The following ENPEP variants were observed in gnomAD, a reference collection of about 807,000 sequenced individuals.
ENPEP encodes the protein AP-A.
ENPEP carries 103 observed loss-of-function variants against 114.5 expected under a neutral mutation model. That is an observed-to-expected ratio of 0.90 (90% confidence interval 0.77 to 1.06). The LOEUF is 1.06. ENPEP is among the 50% of genes least tolerant of loss of function. The pLI, the probability that ENPEP is intolerant of heterozygous loss-of-function variation, is 0.00. For synonymous variants in ENPEP, 420 were observed against 422.0 expected, an observed-to-expected ratio of 1.00 and a Z score of 0.06; for missense variants, 1,196 against 1,161.3, an observed-to-expected ratio of 1.03 and a Z score of -0.43.
chr4:110,534,644 A>T (rs1017893936), intron 11 of ENPEP, among the ~76,000 whole-genome samples: 2 of 150,582 alleles, frequency 1.3e-5, no homozygotes, highest in African/African-American at 2.4e-5. Flanking sequence ...TGTAGCTGGG[A>T]TTACAGGTGC....
At chr4:110,507,746 C>T (rs942891885) in intron 4 of ENPEP, among the ~76,000 whole-genome samples, 8 of 152,222 alleles carry the variant, frequency 5.3e-5, no homozygotes, top group African/African-American at 4.8e-5. Flanking sequence ...GAGGCCCAGG[C>T]GGGCGGATCG....
chr4:110,504,662 T>C (rs1725302463), intron 3 of ENPEP, among the ~76,000 whole-genome samples: 1 of 152,224 alleles, frequency 6.6e-6, no homozygotes, highest in African/African-American at 2.4e-5. Context: ...AGGAAGGGAC[T>C]GCTTTTATTT....
chr4:110,546,905 C>G (rs1727090583), intron 13 of ENPEP, among the ~76,000 whole-genome samples: 1 of 152,036 alleles, frequency 6.6e-6, no homozygotes, highest in Admixed American at 6.6e-5. Context: ...GCCCTTCACA[C>G]CACCTGAAAA....
Position 110,549,110 on chromosome 4 carries a change from G to A in ENPEP, c.2152-236G>A, listed in dbSNP as rs1024980204. 4.6e-4 allele frequency among the ~76,000 whole-genome samples: 70 copies of A among 151,948 alleles called. 1 individual carries two copies. The highest frequency in any genetic ancestry group is 2.1e-4 in the Non-Finnish European group (14 of 67,960). On this transcript the variant is annotated intron_variant, in intron 14 of 19. Coordinates refer to ENST00000265162, the MANE Select transcript of ENPEP (RefSeq NM_001977.4). ...TAACTAAGAAATAGGGGTTAAAAGG[G>A]CCTTACCCAAAGTTTTATAAAACAT...
At position 110,563,338 on chromosome 4, in the gene ENPEP, G is replaced by C. The variant is rs1727734743; in HGVS notation, c.*1780G>C. 1 of 152,120 alleles carries C rather than the reference G, an allele frequency of 6.6e-6. No homozygotes were observed. The highest frequency in any genetic ancestry group is 2.4e-5 in the African/African-American group (1 of 41,428). 9.4% of individuals were successfully genotyped at this position (152,120 alleles called of 1,614,324 possible). On this transcript the variant is annotated 3_prime_UTR_variant, in exon 20 of 20. Coordinates refer to ENST00000265162, the MANE Select transcript of ENPEP (RefSeq NM_001977.4). ...AAAACAGATTTCAACTTGCCTACAA[G>C]ACATTCTATTTCATGCCTTTTCCTT...
At chr4:110,545,455 C>T (rs1379578486) in intron 13 of ENPEP, among the ~76,000 whole-genome samples, 1 of 151,928 alleles carries the variant, frequency 6.6e-6, no homozygotes, top group Non-Finnish European at 1.5e-5. Context: ...CTCCCTGCCC[C>T]CAGCTTAGGC....
At chr4:110,513,963 A>G (rs2110357568) in intron 7 of ENPEP, among the ~76,000 whole-genome samples, 1 of 152,260 alleles carries the variant, frequency 6.6e-6, no homozygotes, top group South Asian at 2.1e-4. Flanking sequence ...AAACATTTAA[A>G]TCCAACTCAG....
chr4:110,511,445 G>A (rs893026629), intron 6 of ENPEP, among the ~76,000 whole-genome samples: 2 of 151,942 alleles, frequency 1.3e-5, no homozygotes, highest in South Asian at 2.1e-4. Flanking sequence ...CAGCTGTCTC[G>A]TGGGGGACAA....
rs1166979463 is a variant in ENPEP at position 110,509,669 on chromosome 4, A to G, written c.1056A>G (p.Pro352=). Residue 352 remains proline, a synonymous_variant, in exon 5 of 20, where the codon CCA becomes CCG. Transcript: ENST00000265162. ...SLPKLDKIAI[P]DFGTGAMENW... is the part of the protein sequence containing the mutation. ...CTTCTATAGATAAAATCGCTATTCC[A>G]GATTTTGGCACTGGTGCCATGGAGA... is the stretch of plus-strand genomic sequence containing the variant. 2 of 1,612,248 alleles carry G rather than the reference A, an allele frequency of 1.2e-6. No individual in the cohort carries two copies. The highest frequency in any genetic ancestry group is 1.1e-5 in the South Asian group (1 of 90,354).
intron 6 of ENPEP, among the ~76,000 whole-genome samples, chr4:110,511,403 T>C (rs1725569576): frequency 6.6e-6 from 1 of 152,114 alleles, no homozygotes; most frequent in Non-Finnish European, 1.5e-5. Flanking sequence ...CCAGCCCCTG[T>C]TGTGACAACT....
intron 3 of ENPEP, among the ~76,000 whole-genome samples, chr4:110,502,303 A>G (rs1725193004): frequency 6.6e-6 from 1 of 152,080 alleles, no homozygotes; most frequent in Non-Finnish European, 1.5e-5. Flanking sequence ...TTGCCTACTT[A>G]TGGTTTTGTT....
intron 18 of ENPEP, 28 bp downstream of exon 18, chr4:110,553,483 TTTTC>T: frequency 6.3e-7 from 1 of 1,594,246 alleles, no homozygotes; most frequent in Non-Finnish European, 8.6e-7. Context: ...TGGTCTGCTG[TTTTC>T]TTTGTTTCAT....
chr4:110,487,872 C>T (rs538126233), intron 1 of ENPEP, among the ~76,000 whole-genome samples: 1 of 152,082 alleles, frequency 6.6e-6, no homozygotes, highest in Non-Finnish European at 1.5e-5. Flanking sequence ...TTTTAGTTTA[C>T]ACCAGCATAT....
At chr4:110,492,944 A>G (rs1724784392) in intron 3 of ENPEP, among the ~76,000 whole-genome samples, 2 of 152,120 alleles carry the variant, frequency 1.3e-5, no homozygotes, top group African/African-American at 4.8e-5. Flanking sequence ...TTCTGAGCAA[A>G]TTTTTCTATT....
rs185618723 is a variant in ENPEP, at chr4:110,493,300, A to T, written c.918+2136A>T. On this transcript the variant is annotated intron_variant, in intron 3 of 19. Transcript: ENST00000265162. ...CCAAAATGTCCTGTAGGTGGTAATT[A>T]TTTCTTAAATGGTTCTTCTATGAAA... Among the ~76,000 whole-genome samples, 368 of 152,308 alleles carry T rather than the reference A, an allele frequency of 2.4e-3. 1 individual carries two copies. Among genetic ancestry groups the T allele is most frequent in the African/African-American group, 8.4e-3 (350 of 41,568 alleles).
chr4:110,553,664 T>C (rs1018396788), intron 18 of ENPEP: 5 of 409,972 alleles, frequency 1.2e-5, no homozygotes, highest in Non-Finnish European at 2.1e-5. Flanking sequence ...TTGTTTCAAC[T>C]GACCTATAGG....
At chr4:110,548,400 A>C in intron 14 of ENPEP, 74 bp downstream of exon 14, 1 of 1,306,170 alleles carries the variant, frequency 7.7e-7, no homozygotes, top group Non-Finnish European at 1.0e-6. Flanking sequence ...TTCTGAGAGA[A>C]GGAGCTCTTG....
chr4:110,558,271 TA>T (rs1228733837), intron 18 of ENPEP, among the ~76,000 whole-genome samples: 1 of 6,964 alleles, frequency 1.4e-4, no homozygotes, highest in African/African-American at 1.2e-3. Flanking sequence ...TTATAAAAAT[TA>T]TATATATATA....
At position 110,531,117 on chromosome 4, in the gene ENPEP, A is replaced by G. The variant is rs72894210; in HGVS notation, c.1728-81A>G. Reference sequence around the variant, plus strand: ...ATTTAAAAGAAAAATATACTTGTCTATTGCTTTTTAGTGATTTTTACTCTT... The same window carrying G: ...ATTTAAAAGAAAAATATACTTGTCTGTTGCTTTTTAGTGATTTTTACTCTT... On this transcript the variant is annotated intron_variant, in intron 10 of 19. Coordinates refer to ENST00000265162, the MANE Select transcript of ENPEP (RefSeq NM_001977.4). The G allele has an allele frequency of 7.5e-3, 6,494 of 862,784 alleles. 321 individuals carry two copies. The African/African-American group carries it at 0.097, about 13-fold the overall frequency. 53.4% of individuals were successfully genotyped at this position (862,784 alleles called of 1,614,324 possible).
Sources: gnomAD v4.1 joint callset for allele counts (sites outside exome capture counted in the v4.1 genomes callset) on GRCh38, gnomAD v4.1.1 for gene constraint, MANE v1.5 for transcripts, NCBI Gene and HGNC (gene_info 2026-07-23, HGNC 2026-07-21) for gene names.